Variants in GLIS3 observed in about 807,000 individuals in gnomAD.
GLIS3 encodes GLIS family zinc finger 3.
GLIS3 carries 53 observed loss-of-function variants against 78.6 expected under a neutral mutation model. The observed-to-expected ratio is 0.67, with a 90% CI of 0.54 to 0.85. The LOEUF (loss-of-function observed/expected upper bound fraction) is 0.85, where lower values mean the gene tolerates loss of function less well. Ranked by LOEUF, GLIS3 falls within the 40% of genes least tolerant of loss-of-function variation. The pLI, the probability that GLIS3 is intolerant of heterozygous loss-of-function variation, is 0.00. For missense variants in GLIS3, 1,703 were observed against 1,231.1 expected (o/e 1.38, Z -5.74); for synonymous variants, 684 against 509.9 (o/e 1.34, Z -4.60).
intron 2 of GLIS3, among the ~76,000 whole-genome samples, chr9:4,159,746 A>T (rs1408141318): frequency 6.6e-6 from 1 of 152,058 alleles, no homozygotes; most frequent in Non-Finnish European, 1.5e-5. Context: ...AAGAAAAGAA[A>T]AGAAAAGAGA....
intron 4 of GLIS3, among the ~76,000 whole-genome samples, chr9:3,969,142 G>C (rs141364611): frequency 1.3e-5 from 2 of 152,170 alleles, no homozygotes; most frequent in Non-Finnish European, 2.9e-5. Flanking sequence ...GGTGTAGTGT[G>C]ATGAAATGCA....
chr9:3,857,569 T>C (rs953969865), intron 8 of GLIS3, among the ~76,000 whole-genome samples: 2 of 152,172 alleles, frequency 1.3e-5, no homozygotes, highest in Non-Finnish European at 2.9e-5. Context: ...ACCAAGAAAG[T>C]AGGAGTAGGA....
intron 1 of GLIS3, among the ~76,000 whole-genome samples, chr9:4,287,945 C>T (rs2130360018): frequency 6.6e-6 from 1 of 152,326 alleles, no homozygotes; most frequent in African/African-American, 2.4e-5. Context: ...TCTCTATTTT[C>T]ACTAAGAATG....
At chr9:3,912,531 G>C (rs1824223711) in intron 6 of GLIS3, among the ~76,000 whole-genome samples, 1 of 152,190 alleles carries the variant, frequency 6.6e-6, no homozygotes, top group South Asian at 2.1e-4. Context: ...CAGAGTTGGG[G>C]AGCTGAGGTT....
chr9:4,352,449 G>A (rs750715439), upstream of GLIS3, among the ~76,000 whole-genome samples: 21 of 152,270 alleles, frequency 1.4e-4, no homozygotes, highest in Non-Finnish European at 2.2e-4. Context: ...AAATACAGAG[G>A]ACTAAGGCAT....
chr9:4,343,509 TACTC>T (rs901955615), intron 2 of GLIS3, among the ~76,000 whole-genome samples: 6 of 152,226 alleles, frequency 3.9e-5, no homozygotes, highest in Non-Finnish European at 8.8e-5. Flanking sequence ...GTTTGGCGAT[TACTC>T]AAAGAACCTA....
At chr9:4,206,199 C>A (rs551463633) in intron 2 of GLIS3, among the ~76,000 whole-genome samples, 3 of 151,984 alleles carry the variant, frequency 2.0e-5, no homozygotes, top group Admixed American at 6.6e-5. Context: ...TTAATAGTGA[C>A]CAAGGGATAT....
At chr9:4,256,193 T>G (rs1048276178) in intron 2 of GLIS3, among the ~76,000 whole-genome samples, 3 of 152,106 alleles carry the variant, frequency 2.0e-5, no homozygotes, top group African/African-American at 7.2e-5. Flanking sequence ...AGCATCACAG[T>G]TCAATGAGAA....
chr9:3,979,471 T>C (rs1042965400), intron 4 of GLIS3, among the ~76,000 whole-genome samples: 1 of 152,226 alleles, frequency 6.6e-6, no homozygotes, highest in Non-Finnish European at 1.5e-5. Context: ...GCCAATGCCA[T>C]TTCATTGCTC....
chr9:4,066,565 ACTC>A (rs2130602698), intron 4 of GLIS3, among the ~76,000 whole-genome samples: 1 of 151,630 alleles, frequency 6.6e-6, no homozygotes, highest in East Asian at 1.9e-4. Flanking sequence ...CTGTACTAAA[ACTC>A]CTCCTGCTTT....
At chr9:4,188,533 C>T (rs1417332237) in intron 2 of GLIS3, among the ~76,000 whole-genome samples, 1 of 151,616 alleles carries the variant, frequency 6.6e-6, no homozygotes, top group Non-Finnish European at 1.5e-5. Flanking sequence ...GGAGGATTCC[C>T]TCTTTTTCTA....
intron 2 of GLIS3, among the ~76,000 whole-genome samples, chr9:4,316,354 C>G (rs1817436620): frequency 6.6e-6 from 1 of 152,138 alleles, no homozygotes. Context: ...TTTGTGGGTC[C>G]TTAACTGGAC....
chr9:4,199,187 T>C (rs970309052), intron 2 of GLIS3, among the ~76,000 whole-genome samples: 7 of 152,274 alleles, frequency 4.6e-5, no homozygotes, highest in Middle Eastern at 3.4e-3. Context: ...AACAACTTCA[T>C]AGAAGGGTCA....
intron 1 of GLIS3, among the ~76,000 whole-genome samples, chr9:4,287,056 A>G (rs931607206): frequency 1.3e-5 from 2 of 152,192 alleles, no homozygotes; most frequent in Non-Finnish European, 2.9e-5. Context: ...ATGAACACCT[A>G]GGCCTGGGAA....
intron 2 of GLIS3, among the ~76,000 whole-genome samples, chr9:4,131,824 C>G (rs754959727): frequency 6.6e-5 from 10 of 152,114 alleles, no homozygotes; most frequent in Non-Finnish European, 1.2e-4. Flanking sequence ...GAGGACTCAG[C>G]ACACTATCAA....
chr9:4,221,203 T>C (rs527408236), intron 2 of GLIS3, among the ~76,000 whole-genome samples: 131 of 152,306 alleles, frequency 8.6e-4, no homozygotes, highest in Non-Finnish European at 1.5e-3. Flanking sequence ...TTGTCATTTT[T>C]GAAGAGTAGA....
intron 2 of GLIS3, among the ~76,000 whole-genome samples, chr9:4,154,455 C>G (rs1834905270): frequency 6.6e-6 from 1 of 152,108 alleles, no homozygotes; most frequent in African/African-American, 2.4e-5. Flanking sequence ...TTTTAGGATG[C>G]AGAAGGCAAA....
chr9:4,164,530 G>C (rs777168591), intron 2 of GLIS3, among the ~76,000 whole-genome samples: 1 of 152,148 alleles, frequency 6.6e-6, no homozygotes, highest in Non-Finnish European at 1.5e-5. Context: ...ACTGTGAAAG[G>C]GTCAGACTTT....
chr9:4,190,406 G>A (rs1186954481), intron 2 of GLIS3, among the ~76,000 whole-genome samples: 1 of 151,476 alleles, frequency 6.6e-6, no homozygotes, highest in African/African-American at 2.4e-5. Flanking sequence ...AGGAGCCGAT[G>A]CGATCAACTG....
Sources: allele counts gnomAD v4.1 joint callset (sites outside exome capture counted in the v4.1 genomes callset), GRCh38; gene constraint gnomAD v4.1.1; transcripts MANE v1.5; gene names NCBI Gene and HGNC (gene_info 2026-07-23, HGNC 2026-07-21).